The following NAV2 variants were observed in gnomAD, a reference collection of about 807,000 sequenced individuals.
NAV2 encodes the protein helicase, APC down-regulated 1.
Under a neutral mutation model 223.2 loss-of-function variants are expected in NAV2, and 54 were observed. That is an observed-to-expected ratio of 0.24 (90% CI 0.19 to 0.30). The LOEUF (loss-of-function observed/expected upper bound fraction) is 0.30. Among genes scored for constraint, NAV2 ranks in the 10% least tolerant of loss-of-function variants. The pLI is 1.00. For missense variants in NAV2, 2,806 were observed against 3,147.5 expected, an observed-to-expected ratio of 0.89 and a Z score of 2.60; for synonymous variants, 1,279 against 1,239.3, an observed-to-expected ratio of 1.03 and a Z score of -0.67.
intron 1 of NAV2, among the ~76,000 whole-genome samples, chr11:19,633,725 G>A (rs939595220): frequency 6.6e-6 from 1 of 152,226 alleles, no homozygotes; most frequent in Non-Finnish European, 1.5e-5. Context: ...TATCTCTGCA[G>A]GGTCTAGCCA....
chr11:19,534,253 C>T (rs2044119883), intron 1 of NAV2, among the ~76,000 whole-genome samples: 1 of 152,138 alleles, frequency 6.6e-6, no homozygotes, highest in Admixed American at 6.5e-5. Flanking sequence ...GCTTGTCTCC[C>T]CCATTAGACT....
At chr11:20,085,597 G>A (rs2060385392) in intron 26 of NAV2, among the ~76,000 whole-genome samples, 1 of 152,230 alleles carries the variant, frequency 6.6e-6, no homozygotes, top group South Asian at 2.1e-4. Context: ...ATTAGCTGCT[G>A]TAACAAACTC....
chr11:19,594,564 G>A (rs2046154129), intron 1 of NAV2, among the ~76,000 whole-genome samples: 1 of 152,030 alleles, frequency 6.6e-6, no homozygotes, highest in Non-Finnish European at 1.5e-5. Flanking sequence ...GTCCCAACAT[G>A]GTAGTGAATA....
chr11:19,527,710 C>T (rs1409349605), intron 1 of NAV2, among the ~76,000 whole-genome samples: 1 of 150,596 alleles, frequency 6.6e-6, no homozygotes, highest in Non-Finnish European at 1.5e-5. Context: ...CTTGATCTCT[C>T]ACAGTATTTT....
chr11:19,776,761 G>A lies in NAV2; in HGVS notation c.268-55723G>A, dbSNP rs139928439. Reference sequence around the variant, plus strand: ...GGGGGAGGCGGCTCTGTCAACTTGCGTGAGTTCTGTGCAGAAAGAAAATGC... The same window carrying A: ...GGGGGAGGCGGCTCTGTCAACTTGCATGAGTTCTGTGCAGAAAGAAAATGC... On this transcript the variant is annotated intron_variant, in intron 1 of 37. Transcript: ENST00000349880. Among the ~76,000 whole-genome samples, 666 of 151,766 alleles carry A rather than the reference G, an allele frequency of 4.4e-3. 5 individuals carry two copies. The highest frequency in any genetic ancestry group is 0.012 in the Admixed American group (185 of 15,246).
At chr11:20,035,069 A>G (rs2056216615) in intron 11 of NAV2, among the ~76,000 whole-genome samples, 1 of 152,144 alleles carries the variant, frequency 6.6e-6, no homozygotes, top group Admixed American at 6.5e-5. Context: ...GGTATTAAGC[A>G]GTAAAGTGAC....
At chr11:19,685,247 C>A (rs937461300) in intron 1 of NAV2, among the ~76,000 whole-genome samples, 1 of 152,168 alleles carries the variant, frequency 6.6e-6, no homozygotes, top group Non-Finnish European at 1.5e-5. Context: ...TTTTAAATCA[C>A]CTTAATTTCC....
chr11:19,511,156 C>T (rs2043267283), intron 1 of NAV2: 1 of 152,180 alleles, frequency 6.6e-6, no homozygotes, highest in South Asian at 2.1e-4. Flanking sequence ...TAGGTTTTGT[C>T]AGTCTGTGTT....
chr11:19,364,082 A>T (rs999431367), intron 1 of NAV2, among the ~76,000 whole-genome samples: 19 of 152,182 alleles, frequency 1.2e-4, no homozygotes, highest in Admixed American at 1.2e-3. Context: ...TGGGGCTGAA[A>T]GTTCCAACCC....
At chr11:19,378,220 G>A (rs186532111) in intron 1 of NAV2, among the ~76,000 whole-genome samples, 1 of 152,304 alleles carries the variant, frequency 6.6e-6, no homozygotes, top group East Asian at 1.9e-4. Context: ...TTGTCTTCTG[G>A]CTTCCAAGTT....
chr11:20,072,312 C>A (rs1011288269), intron 22 of NAV2, among the ~76,000 whole-genome samples: 3 of 152,164 alleles, frequency 2.0e-5, no homozygotes, highest in Admixed American at 1.3e-4. Context: ...TGTTTTGGTA[C>A]CAGTACCATG....
chr11:19,854,381 C>T (rs2061313419), intron 3 of NAV2, among the ~76,000 whole-genome samples: 1 of 151,958 alleles, frequency 6.6e-6, no homozygotes, highest in Non-Finnish European at 1.5e-5. Flanking sequence ...GAATGGTGGC[C>T]AAAAAGCTAA....
At position 19,797,382 on chromosome 11, in the gene NAV2, C is replaced by T. The variant is rs112640470; in HGVS notation, c.268-35102C>T. Among the ~76,000 whole-genome samples the T allele has an allele frequency of 4.5e-3, 678 of 152,316 alleles. 9 individuals carry two copies. The highest frequency in any genetic ancestry group is 0.015 in the African/African-American group (630 of 41,558). On this transcript the variant is annotated intron_variant, in intron 1 of 37. Coordinates refer to ENST00000349880, the MANE Select transcript of NAV2 (RefSeq NM_145117.5). ...GCTGCAGTTATGTTCTCCACCTCCT[C>T]CCATCCCCATATTGCACAGTTCAGA...
intron 1 of NAV2, among the ~76,000 whole-genome samples, chr11:19,587,138 G>A (rs754587661): frequency 6.6e-5 from 10 of 152,182 alleles, no homozygotes; most frequent in Non-Finnish European, 1.5e-4. Flanking sequence ...TGCTGTGCTA[G>A]CAATGAGCAA....
At chr11:19,511,708 T>C (rs2043285440) in intron 1 of NAV2, 1 of 152,236 alleles carries the variant, frequency 6.6e-6, no homozygotes, top group East Asian at 1.9e-4. Context: ...CTTTCTGTTC[T>C]GGCCTGGCAG....
chr11:19,951,333 C>G (rs1015535269), intron 10 of NAV2, among the ~76,000 whole-genome samples: 27 of 152,018 alleles, frequency 1.8e-4, no homozygotes, highest in Non-Finnish European at 1.5e-5. Flanking sequence ...GAATGGCTGG[C>G]GCAATTAATG....
intron 19 of NAV2, chr11:20,056,700 G>A (rs1416344660): frequency 1.3e-5 from 13 of 969,922 alleles, no homozygotes; most frequent in Non-Finnish European, 2.0e-5. Context: ...TGGGACATTG[G>A]CGGCAATGCT....
intron 1 of NAV2, among the ~76,000 whole-genome samples, chr11:19,377,835 A>T (rs1460913512): frequency 1.3e-5 from 2 of 152,166 alleles, no homozygotes; most frequent in Non-Finnish European, 2.9e-5. Context: ...ATCCAATTTC[A>T]TTTCATTCCT....
chr11:19,856,958 G>GT (rs1164470133), intron 3 of NAV2, among the ~76,000 whole-genome samples: 1 of 152,232 alleles, frequency 6.6e-6, no homozygotes, highest in East Asian at 1.9e-4. Flanking sequence ...GCTGCCGATA[G>GT]TGGCAAATTG....
Sources: allele counts gnomAD v4.1 joint callset (sites outside exome capture counted in the v4.1 genomes callset), GRCh38; gene constraint gnomAD v4.1.1; transcripts MANE v1.5; gene names NCBI Gene and HGNC (gene_info 2026-07-23, HGNC 2026-07-21).